The following ZNF679 variants were observed in gnomAD, a reference collection of about 807,000 sequenced individuals.
ZNF679 encodes hypothetical protein MGC42415.
In ZNF679, 10 loss-of-function variants were observed where a neutral mutation model predicts 13.4. The observed-to-expected ratio is 0.75, with a 90% CI of 0.46 to 1.27. ZNF679 has a LOEUF of 1.27. ZNF679 is among the 50% of genes most tolerant of loss of function. The pLI is 0.00. For synonymous variants in ZNF679, 179 were observed against 162.5 expected (o/e 1.10, Z -0.77); for missense variants, 525 against 477.8 (o/e 1.10, Z -0.92).
chr7:64,249,049 T>G lies in ZNF679; in HGVS notation c.-69T>G. ...CCAGAGCTCCAGTTCTTCTCTTCAC[T>G]GCTCTGCGTCCTCTGTTCCTAGAGG... On this transcript the variant is annotated 5_prime_UTR_variant, in exon 2 of 5. Transcript: ENST00000421025. 6.2e-7 allele frequency: 1 copy of G among 1,608,444 alleles called. No individual in the cohort carries two copies. The highest frequency in any genetic ancestry group is 8.5e-7 in the Non-Finnish European group (1 of 1,176,658).
intron 1 of ZNF679, among the ~76,000 whole-genome samples, chr7:64,235,777 G>A (rs1030177265): frequency 2.1e-5 from 3 of 143,002 alleles, no homozygotes; most frequent in Admixed American, 7.1e-5. Context: ...CGACAAGAGC[G>A]AAACCCCGTC....
In ZNF679 at chr7:64,266,894, C is replaced by T; in HGVS notation, c.*25C>T. On this transcript the variant is annotated 3_prime_UTR_variant, in exon 5 of 5. Transcript: ENST00000421025. ...ATGTGATAAAGTCCAGCCTTCAGAC[C>T]TTATAATACATAAAATAATTTATAC... 3.3e-6 allele frequency: 5 copies of T among 1,497,222 alleles called. No homozygotes were observed. The highest frequency in any genetic ancestry group is 1.3e-5 in the South Asian group (1 of 74,256). The allele number at this position is 1,497,222 out of a possible 1,614,324, so 92.7% of individuals were successfully genotyped here. A position where few individuals can be genotyped will look rare whatever the true frequency, so the allele number is the denominator to read the frequency against.
At chr7:64,257,843 T>A (rs1471135823) in intron 2 of ZNF679, among the ~76,000 whole-genome samples, 1 of 152,226 alleles carries the variant, frequency 6.6e-6, no homozygotes, top group Non-Finnish European at 1.5e-5. Flanking sequence ...TAATAATGTG[T>A]CTGGGAAAGC....
intron 4 of ZNF679, 63 bp downstream of exon 4, chr7:64,260,992 A>C: frequency 6.7e-7 from 1 of 1,488,638 alleles, no homozygotes; most frequent in Non-Finnish European, 9.1e-7. Context: ...GGAGGAAGCC[A>C]GTCCTTAAAA....
At chr7:64,257,808 T>A (rs10229109) in intron 2 of ZNF679, among the ~76,000 whole-genome samples, 57,241 of 152,108 alleles carry the variant, frequency 0.38, 12,652 homozygotes, top group East Asian at 0.83. Context: ...GACTCTTTGC[T>A]GTGCCTGCTT....
Position 64,248,919 on chromosome 7 carries a change from C to T in ZNF679, c.-90-109C>T, listed in dbSNP as rs576281472. On this transcript the variant is annotated intron_variant, in intron 1 of 4. Transcript: ENST00000421025. ...GGGCGTGAAGGGTGGGTCCTGAAAC[C>T]TTATCCAATCAGGGGCCATATATTA... 79 of 797,388 alleles carry T rather than the reference C, an allele frequency of 9.9e-5. 1 individual carries two copies. The South Asian group carries it at 1.4e-3, about 14-fold the overall frequency. 49.4% of individuals were successfully genotyped at this position (797,388 alleles called of 1,614,324 possible).
chr7:64,233,259 A>T (rs1468831534), intron 1 of ZNF679, among the ~76,000 whole-genome samples: 1 of 151,684 alleles, frequency 6.6e-6, no homozygotes, highest in Non-Finnish European at 1.5e-5. Context: ...TAAACAAAAA[A>T]AAAAAAAAAG....
intron 1 of ZNF679, among the ~76,000 whole-genome samples, chr7:64,236,877 A>C (rs1584225293): frequency 7.2e-6 from 1 of 139,604 alleles, no homozygotes; most frequent in East Asian, 2.3e-4. Context: ...GAAAGAAGAA[A>C]GAGAAAGAAA....
rs1179336658 is a variant in ZNF679 at position 64,236,982 on chromosome 7, A to G, written c.-91+8330A>G. Among the ~76,000 whole-genome samples the G allele has an allele frequency of 5.0e-5, 3 of 60,322 alleles. No homozygotes were observed. The Admixed American group carries it at 5.5e-4, about 11-fold the overall frequency. The allele number at this position is 60,322 out of a possible 152,430, so 39.6% of individuals were successfully genotyped here. A position where few individuals can be genotyped will look rare whatever the true frequency, so the allele number is the denominator to read the frequency against. On this transcript the variant is annotated intron_variant, in intron 1 of 4. Transcript: ENST00000421025. Reference sequence around the variant, plus strand: ...GAAAGAAAGAAAGAAAGAAAAAGAAAGAAAGAAAGAAAGAAAGAAAAAGAA... The same window carrying G: ...GAAAGAAAGAAAGAAAGAAAAAGAAGGAAAGAAAGAAAGAAAGAAAAAGAA...
At chr7:64,236,975 A>AAGAAAGAGAGAG (rs201487010) in intron 1 of ZNF679, among the ~76,000 whole-genome samples, 8 of 16,284 alleles carry the variant, frequency 4.9e-4, no homozygotes, top group Admixed American at 1.6e-3. Context: ...GAAAGAAAGA[A>AAGAAAGAGAGAG]AAAGAAAGAA....
Position 64,260,365 on chromosome 7 carries a change from A to G in ZNF679, c.166+18A>G. On this transcript the variant is annotated intron_variant, in intron 3 of 4. Coordinates refer to ENST00000421025, the MANE Select transcript of ZNF679 (RefSeq NM_153363.3). ...CTCCCTGGGTGAGGATAACTTCAAT[A>G]CACAATTCCTAATATATTTCTTTTC... 6.3e-7 allele frequency: 1 copy of G among 1,590,504 alleles called. No individual in the cohort carries two copies. The highest frequency in any genetic ancestry group is 8.5e-7 in the Non-Finnish European group (1 of 1,174,296).
At chr7:64,234,652 A>G (rs1787684551) in intron 1 of ZNF679, among the ~76,000 whole-genome samples, 2 of 152,306 alleles carry the variant, frequency 1.3e-5, no homozygotes, top group South Asian at 2.1e-4. Context: ...AAACCAAAGC[A>G]TAGAGCCCAA....
intron 1 of ZNF679, among the ~76,000 whole-genome samples, chr7:64,229,104 T>A (rs1476153828): frequency 6.6e-6 from 1 of 152,154 alleles, no homozygotes; most frequent in Non-Finnish European, 1.5e-5. Context: ...AGTTAACACA[T>A]TTTCTCTTGC....
At chr7:64,229,169 G>C (rs1380695783) in intron 1 of ZNF679, among the ~76,000 whole-genome samples, 1 of 152,118 alleles carries the variant, frequency 6.6e-6, no homozygotes, top group African/African-American at 2.4e-5. Flanking sequence ...CCAGAAATGA[G>C]TCAGAATCTT....
At chr7:64,240,319 G>A (rs1239689831) in intron 1 of ZNF679, among the ~76,000 whole-genome samples, 1 of 152,170 alleles carries the variant, frequency 6.6e-6, no homozygotes, top group Non-Finnish European at 1.5e-5. Context: ...GCCCACAGGT[G>A]TATTGTGACA....
At chr7:64,265,812 T>G in intron 4 of ZNF679, 84 bp from the exon 5 acceptor site, 1 of 1,454,930 alleles carries the variant, frequency 6.9e-7, no homozygotes, top group Non-Finnish European at 9.2e-7. Context: ...TAAAGTACCT[T>G]GTATAATTTT....
At chr7:64,265,434 A>G (rs1443989948) in intron 4 of ZNF679, among the ~76,000 whole-genome samples, 1 of 152,182 alleles carries the variant, frequency 6.6e-6, no homozygotes, top group Non-Finnish European at 1.5e-5. Context: ...TTTGATCTCA[A>G]AAGACTTAAA....
Position 64,260,267 on chromosome 7 carries a change from A to G in ZNF679, c.86A>G (p.Glu29Gly), listed in dbSNP as rs1318297454. 4.3e-6 allele frequency: 7 copies of G among 1,612,006 alleles called. No homozygotes were observed. Among genetic ancestry groups the G allele is most frequent in the Middle Eastern group, 1.7e-4 (1 of 6,042 alleles). ...RDVVIEFSLE[E>G]WQCLDHAQQN... The stretch of plus-strand genomic sequence containing the variant: ...GTAGTCATAGAATTCTCTCTGGAGG[A>G]GTGGCAATGCCTGGATCACGCTCAG... The change falls in exon 3 of 5, where the codon GAG becomes GGG. Residue 29 changes from glutamate to glycine, a missense_variant. Physicochemically the swap from Glu to Gly is moderately conservative, Grantham distance 98. Transcript: ENST00000421025.
chr7:64,264,297 A>G (rs764334052), intron 4 of ZNF679, among the ~76,000 whole-genome samples: 1 of 151,918 alleles, frequency 6.6e-6, no homozygotes, highest in Non-Finnish European at 1.5e-5. Context: ...TGTCCTCATT[A>G]TATCTACCCT....
Sources: allele counts gnomAD v4.1 joint callset (sites outside exome capture counted in the v4.1 genomes callset), GRCh38; gene constraint gnomAD v4.1.1; transcripts MANE v1.5; gene names NCBI Gene and HGNC (gene_info 2026-07-23, HGNC 2026-07-21).